The following PGBD5 variants were observed in gnomAD, a reference collection of about 807,000 sequenced individuals.
PGBD5 encodes piggyBac transposable element-derived protein 5.
A neutral mutation model predicts 47.9 loss-of-function variants in PGBD5; 14 were observed. The observed-to-expected ratio is 0.29, with a 90% CI of 0.19 to 0.46. The LOEUF (loss-of-function observed/expected upper bound fraction) is 0.46, where lower values mean the gene tolerates loss of function less well. PGBD5 is among the 20% of genes least tolerant of loss of function. The probability of loss-of-function intolerance (pLI) is 1.00; values close to 1 mark genes in which losing one functional copy is unlikely to be tolerated. For synonymous variants in PGBD5, 316 were observed against 306.3 expected, an observed-to-expected ratio of 1.03 and a Z score of -0.33; for missense variants, 635 against 716.0, an observed-to-expected ratio of 0.89 and a Z score of 1.29.
intron 6 of PGBD5, 49 bp downstream of exon 6, chr1:230,325,261 C>T (rs368184348): frequency 1.4e-4 from 183 of 1,344,676 alleles, no homozygotes; most frequent in South Asian, 5.1e-4. Flanking sequence ...TCTTCCGAGA[C>T]GGCACAACTA....
At chr1:230,339,721 G>A (rs567126084) in intron 3 of PGBD5, among the ~76,000 whole-genome samples, 16 of 152,324 alleles carry the variant, frequency 1.1e-4, no homozygotes, top group Non-Finnish European at 1.6e-4. Flanking sequence ...GGACCTGGAG[G>A]ACATTAAGCG....
At chr1:230,343,656 G>T (rs1010969272) in intron 3 of PGBD5, among the ~76,000 whole-genome samples, 14 of 152,130 alleles carry the variant, frequency 9.2e-5, no homozygotes, top group African/African-American at 3.4e-4. Context: ...GTCCTGCCCT[G>T]CCCAGCTTCT....
intron 1 of PGBD5, among the ~76,000 whole-genome samples, chr1:230,419,421 G>A (rs187153600): frequency 6.6e-6 from 1 of 152,238 alleles, no homozygotes; most frequent in African/African-American, 2.4e-5. Context: ...AGGGAGGGAG[G>A]GGAGCAAGGT....
At position 230,333,106 on chromosome 1, in the gene PGBD5, C is replaced by T. The variant is rs1667249569; in HGVS notation, c.1076-65G>A. 2.7e-6 allele frequency: 4 copies of T among 1,497,244 alleles called. No individual in the cohort carries two copies. The South Asian group carries it at 3.8e-5, about 14-fold the overall frequency. The allele number at this position is 1,497,244 out of a possible 1,614,324, so 92.7% of individuals were successfully genotyped here. ...TCGGAGATGCCGGCGGCTCCTCCGCCCTGGGCACCCCCAAGGAAAGGACGG... is the reference window on the plus strand; with the variant it reads ...TCGGAGATGCCGGCGGCTCCTCCGCTCTGGGCACCCCCAAGGAAAGGACGG... On this transcript the variant is annotated intron_variant, in intron 4 of 6. Transcript: ENST00000391860.
intron 1 of PGBD5, among the ~76,000 whole-genome samples, chr1:230,379,974 A>G (rs1482163581): frequency 6.6e-6 from 1 of 152,158 alleles, no homozygotes; most frequent in African/African-American, 2.4e-5. Context: ...CTTCATTACT[A>G]CCCTCAGCAT....
At chr1:230,368,108 A>G in intron 1 of PGBD5, 1 of 1,367,958 alleles carries the variant, frequency 7.3e-7, no homozygotes, top group South Asian at 1.1e-5. Context: ...GATGTGCTCA[A>G]GTTCTGACCA....
At position 230,323,154 on chromosome 1, in the gene PGBD5, TGA is replaced by T. The variant is rs1667061996; in HGVS notation, c.*269_*270del. 1 of 452,202 alleles carries T rather than the reference TGA, an allele frequency of 2.2e-6. No homozygotes were observed. The highest frequency in any genetic ancestry group is 3.9e-5 in the Admixed American group (1 of 25,744). 28.0% of individuals were successfully genotyped at this position (452,202 alleles called of 1,614,324 possible). The stretch of plus-strand genomic sequence containing the variant: ...TGCCTCGCAAGCTCCACGGATGTCA[TGA>T]GAGAATCTGCCCTTGAGAACGTGGG... On this transcript the variant is annotated 3_prime_UTR_variant, in exon 7 of 7. Transcript: ENST00000391860. This position sits in a 1 kb window ranked among gnomAD's most constrained non-coding sequence, Gnocchi z 4.1.
In PGBD5 at chr1:230,366,980, T is replaced by C. The variant is rs187384763; in HGVS notation, c.332-9659A>G. Among the ~76,000 whole-genome samples the C allele has an allele frequency of 2.5e-3, 377 of 152,196 alleles. 2 individuals carry two copies. The highest frequency in any genetic ancestry group is 4.4e-3 in the Non-Finnish European group (302 of 67,998). On this transcript the variant is annotated intron_variant, in intron 1 of 6. Transcript: ENST00000391860. ...ACCAAAAGGACGGCAGAAGTGTTTTTCCCACTTCCGTGGGACCTGACGAGG... is the reference window on the plus strand; with the variant it reads ...ACCAAAAGGACGGCAGAAGTGTTTTCCCCACTTCCGTGGGACCTGACGAGG...
chr1:230,399,313 C>T (rs1033740613), intron 1 of PGBD5, among the ~76,000 whole-genome samples: 2 of 152,134 alleles, frequency 1.3e-5, no homozygotes, highest in African/African-American at 2.4e-5. Flanking sequence ...TGAGAACAGT[C>T]CCCCACTTTG....
At chr1:230,387,413 AC>A (rs1304487634) in intron 1 of PGBD5, among the ~76,000 whole-genome samples, 4 of 152,194 alleles carry the variant, frequency 2.6e-5, no homozygotes, top group Non-Finnish European at 5.9e-5. Flanking sequence ...GGGGCAGAAT[AC>A]AAGGTGGCCC....
At chr1:230,394,212 G>C in intron 1 of PGBD5, among the ~76,000 whole-genome samples, 1 of 151,832 alleles carries the variant, frequency 6.6e-6, no homozygotes, top group Middle Eastern at 3.2e-3. Context: ...TGAGGACCAG[G>C]GCAAAGCATG....
chr1:230,409,615 G>T (rs1473820173), intron 1 of PGBD5, among the ~76,000 whole-genome samples: 2 of 152,180 alleles, frequency 1.3e-5, no homozygotes, highest in African/African-American at 2.4e-5. Flanking sequence ...CACATATTAT[G>T]ATTCCATGTA....
At chr1:230,373,279 A>G (rs998967963) in intron 1 of PGBD5, among the ~76,000 whole-genome samples, 1 of 152,220 alleles carries the variant, frequency 6.6e-6, no homozygotes, top group Non-Finnish European at 1.5e-5. Context: ...AGGACTTTGC[A>G]CATCACTACA....
intron 1 of PGBD5, among the ~76,000 whole-genome samples, chr1:230,402,497 C>T (rs1397975739): frequency 6.6e-6 from 1 of 152,184 alleles, no homozygotes; most frequent in Non-Finnish European, 1.5e-5. Flanking sequence ...GTGAAGAGAG[C>T]TCACTGTTGG....
At chr1:230,423,889 C>T (rs902991357) in intron 1 of PGBD5, among the ~76,000 whole-genome samples, 9 of 152,330 alleles carry the variant, frequency 5.9e-5, no homozygotes, top group African/African-American at 1.9e-4. Flanking sequence ...CGATCCTGCT[C>T]TTCATGACCG....
intron 1 of PGBD5, among the ~76,000 whole-genome samples, chr1:230,400,825 G>A (rs1335481752): frequency 6.6e-6 from 1 of 152,202 alleles, no homozygotes; most frequent in Non-Finnish European, 1.5e-5. Context: ...ACTCTAGCCT[G>A]AGCAACACAG....
chr1:230,392,645 G>T (rs1656817449), intron 1 of PGBD5, among the ~76,000 whole-genome samples: 1 of 152,190 alleles, frequency 6.6e-6, no homozygotes, highest in African/African-American at 2.4e-5. Context: ...CCAGAGGACT[G>T]TCAGGACTTC....
intron 1 of PGBD5, among the ~76,000 whole-genome samples, chr1:230,405,456 C>T (rs1471669809): frequency 6.6e-6 from 1 of 152,082 alleles, no homozygotes; most frequent in Admixed American, 6.5e-5. Context: ...ATTTTTTTCT[C>T]TAGCTTATTT....
chr1:230,334,261 G>T (rs1440404380), intron 4 of PGBD5, among the ~76,000 whole-genome samples: 2 of 152,166 alleles, frequency 1.3e-5, no homozygotes, highest in Non-Finnish European at 2.9e-5. Context: ...CCTAGCAACC[G>T]CACGTGACCA....
Sources: allele counts gnomAD v4.1 joint callset (sites outside exome capture counted in the v4.1 genomes callset), GRCh38; gene constraint gnomAD v4.1.1; non-coding constraint Gnocchi (gnomAD v3.1); transcripts MANE v1.5; gene names NCBI Gene and HGNC (gene_info 2026-07-23, HGNC 2026-07-21).